FRMD4A: variants seen among roughly 807,000 people sequenced by gnomAD.
FRMD4A encodes FERM domain-containing protein 4A.
Under a neutral mutation model 129.1 loss-of-function variants are expected in FRMD4A, and 29 were observed. The observed-to-expected ratio is 0.22, with a 90% CI of 0.17 to 0.31. The LOEUF (loss-of-function observed/expected upper bound fraction) is 0.31, where lower values mean the gene tolerates loss of function less well. Ranked by LOEUF, FRMD4A falls within the 10% of genes least tolerant of loss-of-function variation. The pLI is 1.00. For synonymous variants in FRMD4A, 634 were observed against 571.6 expected (o/e 1.11, Z -1.56); for missense variants, 1,272 against 1,375.8 (o/e 0.92, Z 1.19).
intron 2 of FRMD4A, among the ~76,000 whole-genome samples, chr10:13,931,365 G>A (rs1395742373): frequency 6.6e-6 from 1 of 152,122 alleles, no homozygotes; most frequent in Non-Finnish European, 1.5e-5. Context: ...AGCAAGAGCT[G>A]CAGTTTTAGC....
chr10:13,884,136 A>T (rs867767430), intron 2 of FRMD4A, among the ~76,000 whole-genome samples: 1 of 27,018 alleles, frequency 3.7e-5, no homozygotes, highest in African/African-American at 1.1e-4. Context: ...ACACACGCTC[A>T]CACACACTCT....
chr10:14,311,750 A>C (rs939314976), intron 2 of FRMD4A, among the ~76,000 whole-genome samples: 9 of 152,014 alleles, frequency 5.9e-5, no homozygotes, highest in African/African-American at 1.9e-4. Flanking sequence ...TCTGTCTCTC[A>C]GAGGTTCCTG....
intron 2 of FRMD4A, among the ~76,000 whole-genome samples, chr10:14,072,926 T>C (rs528486923): frequency 6.6e-6 from 1 of 152,306 alleles, no homozygotes; most frequent in East Asian, 1.9e-4. Flanking sequence ...ACAAAAGTCT[T>C]GGTCAAGTAT....
chr10:14,125,175 C>A (rs1231895864), intron 2 of FRMD4A, among the ~76,000 whole-genome samples: 1 of 152,162 alleles, frequency 6.6e-6, no homozygotes. Context: ...CCATGATCAC[C>A]GTCGATGACT....
At chr10:14,310,544 G>C (rs1846511728) in intron 2 of FRMD4A, among the ~76,000 whole-genome samples, 1 of 152,196 alleles carries the variant, frequency 6.6e-6, no homozygotes, top group Non-Finnish European at 1.5e-5. Flanking sequence ...CTGGAAGCCA[G>C]GTATGTTCAA....
intron 2 of FRMD4A, among the ~76,000 whole-genome samples, chr10:14,115,036 A>C (rs1838126189): frequency 6.6e-6 from 1 of 152,032 alleles, no homozygotes; most frequent in African/African-American, 2.4e-5. Flanking sequence ...CTACCCATAC[A>C]CTCACTCCCC....
chr10:13,795,828 C>T (rs775581599), intron 5 of FRMD4A, among the ~76,000 whole-genome samples: 1 of 152,184 alleles, frequency 6.6e-6, no homozygotes, highest in Admixed American at 6.5e-5. Flanking sequence ...CTTCTCACAA[C>T]CTTTTGCAAA....
intron 2 of FRMD4A, among the ~76,000 whole-genome samples, chr10:13,897,105 CA>C (rs2094767665): frequency 6.6e-6 from 1 of 152,172 alleles, no homozygotes; most frequent in Non-Finnish European, 1.5e-5. Context: ...GAATATTTTG[CA>C]AAGTGCTGCT....
intron 13 of FRMD4A, among the ~76,000 whole-genome samples, chr10:13,706,721 C>T (rs2087478964): frequency 6.7e-6 from 1 of 148,908 alleles, no homozygotes; most frequent in Non-Finnish European, 1.5e-5. Context: ...CTTCCAGTGC[C>T]CCGGCAGGTA....
chr10:13,872,457 G>A (rs1402573868), intron 2 of FRMD4A, among the ~76,000 whole-genome samples: 4 of 152,252 alleles, frequency 2.6e-5, no homozygotes, highest in Admixed American at 6.5e-5. Flanking sequence ...GAGAGCAGAT[G>A]TAAGAAATAC....
At chr10:13,935,902 CTTTCCATTGCATCA>C (rs1459235629) in intron 2 of FRMD4A, among the ~76,000 whole-genome samples, 4 of 151,512 alleles carry the variant, frequency 2.6e-5, no homozygotes, top group Middle Eastern at 3.4e-3. Context: ...AATCTGTGTG[CTTTCCATTGCATCA>C]GGTTGCCCTG....
intron 2 of FRMD4A, among the ~76,000 whole-genome samples, chr10:14,072,091 C>T (rs1835344744): frequency 6.6e-6 from 1 of 152,170 alleles, no homozygotes; most frequent in African/African-American, 2.4e-5. Context: ...TAAAAATTCT[C>T]TTGGGAAGGC....
At chr10:13,916,727 A>G (rs2095011953) in intron 2 of FRMD4A, among the ~76,000 whole-genome samples, 1 of 152,236 alleles carries the variant, frequency 6.6e-6, no homozygotes, top group Admixed American at 6.5e-5. Context: ...CTAGTGTCTC[A>G]TGCCGATCAT....
chr10:14,088,140 G>A (rs1836404247), intron 2 of FRMD4A, among the ~76,000 whole-genome samples: 1 of 152,090 alleles, frequency 6.6e-6, no homozygotes, highest in Non-Finnish European at 1.5e-5. Context: ...AAATAGGGCT[G>A]TTTTGAGGAG....
chr10:13,801,011 G>A (rs1237030462), intron 4 of FRMD4A, among the ~76,000 whole-genome samples: 1 of 152,216 alleles, frequency 6.6e-6, no homozygotes, highest in Non-Finnish European at 1.5e-5. Flanking sequence ...CACTTTGGGA[G>A]GCCATGGCAG....
chr10:13,822,343 T>G (rs892334519), intron 3 of FRMD4A, among the ~76,000 whole-genome samples: 1 of 152,192 alleles, frequency 6.6e-6, no homozygotes, highest in African/African-American at 2.4e-5. Context: ...GGGGTTCAGA[T>G]CTAGCAAATA....
intron 3 of FRMD4A, among the ~76,000 whole-genome samples, chr10:13,816,437 C>T (rs920479230): frequency 6.6e-5 from 10 of 152,198 alleles, no homozygotes; most frequent in African/African-American, 1.7e-4. Flanking sequence ...GTTTAAGTCA[C>T]AGAGACATTG....
At chr10:13,769,829 G>A (rs944390406) in intron 6 of FRMD4A, among the ~76,000 whole-genome samples, 2 of 151,952 alleles carry the variant, frequency 1.3e-5, no homozygotes, top group Non-Finnish European at 2.9e-5. Context: ...TTTTGAGCTG[G>A]GACATCACAT....
intron 15 of FRMD4A, 162 bp downstream of exon 15, chr10:13,693,736 T>G (rs762262258): frequency 2.5e-6 from 2 of 796,976 alleles, no homozygotes; most frequent in Non-Finnish European, 4.2e-6. Context: ...AGCAGTTTTC[T>G]CAGATTCGCA....
Sources: allele counts gnomAD v4.1 joint callset (sites outside exome capture counted in the v4.1 genomes callset), GRCh38; gene constraint gnomAD v4.1.1; transcripts MANE v1.5; gene names NCBI Gene and HGNC (gene_info 2026-07-23, HGNC 2026-07-21).